The following TPO variants were observed in gnomAD, a reference collection of about 807,000 sequenced individuals.
TPO encodes the protein thyroid microsomal antigen.
In TPO, 78 loss-of-function variants were observed where a neutral mutation model predicts 96.9. The observed-to-expected ratio is 0.81, with a 90% CI of 0.67 to 0.97. TPO has a LOEUF of 0.97. TPO is among the 50% of genes least tolerant of loss of function. The pLI is 0.00. For synonymous variants in TPO, 547 were observed against 538.0 expected, an observed-to-expected ratio of 1.02 and a Z score of -0.23; for missense variants, 1,252 against 1,274.8, an observed-to-expected ratio of 0.98 and a Z score of 0.27.
At chr2:1,377,924 C>T (rs1379728319) in intron 1 of TPO, among the ~76,000 whole-genome samples, 1 of 152,168 alleles carries the variant, frequency 6.6e-6, no homozygotes, top group East Asian at 1.9e-4. Flanking sequence ...TTGTAGCTCC[C>T]ATAATTTCCA....
In TPO at chr2:1,496,021, A is replaced by G. The variant is rs769859014; in HGVS notation, c.2039A>G (p.Asp680Gly). Reference protein sequence around the residue: ...FWWENSHVFTDAQRRELEKHS... With the variant: ...FWWENSHVFTGAQRRELEKHS... The stretch of plus-strand genomic sequence containing the variant: ...TGGGAGAACAGCCACGTCTTCACGG[A>G]TGCACAGAGGCGTGAGCTGGAGAAG... The change falls in exon 12 of 17, where the codon GAT becomes GGT. Residue 680 changes from aspartate (D) to glycine (G), a missense_variant. Asp to Gly is a moderately conservative substitution (Grantham distance 94). Coordinates refer to ENST00000329066, the MANE Select transcript of TPO (RefSeq NM_001206744.2). The G allele has an allele frequency of 5.0e-6, 8 of 1,613,280 alleles. No homozygotes were observed. The African/African-American group carries it at 1.1e-4, about 22-fold the overall frequency.
intron 7 of TPO, among the ~76,000 whole-genome samples, chr2:1,472,768 C>A (rs755303039): frequency 6.9e-6 from 1 of 145,506 alleles, no homozygotes; most frequent in Admixed American, 7.1e-5. Flanking sequence ...TACTCACATT[C>A]GCCATCCACA....
chr2:1,481,733 GGCC>G (rs1670659554), intron 8 of TPO, among the ~76,000 whole-genome samples: 1 of 152,174 alleles, frequency 6.6e-6, no homozygotes, highest in African/African-American at 2.4e-5. Flanking sequence ...AAAGAGAAAG[GGCC>G]GTTCCTGCAG....
upstream of TPO, chr2:1,374,113 G>A (rs1232799502): frequency 6.6e-6 from 1 of 152,224 alleles, no homozygotes; most frequent in South Asian, 2.1e-4. Flanking sequence ...TCACCTCTGT[G>A]GCCACTTCCC....
chr2:1,479,929 G>A (rs548930613), intron 8 of TPO, among the ~76,000 whole-genome samples: 3 of 152,086 alleles, frequency 2.0e-5, no homozygotes, highest in South Asian at 2.1e-4. Context: ...CCACAGACAT[G>A]TGCCACCACT....
intron 3 of TPO, among the ~76,000 whole-genome samples, chr2:1,427,219 G>T (rs1436747529): frequency 6.6e-6 from 1 of 152,250 alleles, no homozygotes; most frequent in Non-Finnish European, 1.5e-5. Context: ...TGTGCCTGGG[G>T]ACCCAGATCT....
chr2:1,484,337 CTG>C (rs1405965041), intron 8 of TPO, among the ~76,000 whole-genome samples: 2 of 152,214 alleles, frequency 1.3e-5, no homozygotes, highest in African/African-American at 4.8e-5. Context: ...GACAGAGGTG[CTG>C]TCTCTTGCCA....
intron 16 of TPO, chr2:1,542,072 T>TCTGA (rs1396880148): frequency 2.7e-6 from 1 of 368,388 alleles, no homozygotes; most frequent in East Asian, 5.4e-5. Flanking sequence ...CCCTAATTAG[T>TCTGA]CTGACTGACA....
In TPO at chr2:1,414,633, GA is replaced by G. The variant is rs199828083; in HGVS notation, c.94+140del. 3,841 of 736,896 alleles carry G rather than the reference GA, an allele frequency of 5.2e-3. 42 individuals carry two copies. The highest frequency in any genetic ancestry group is 0.015 in the Middle Eastern group (53 of 3,544). The allele number at this position is 736,896 out of a possible 1,614,324, so 45.6% of individuals were successfully genotyped here. On this transcript the variant is annotated intron_variant, in intron 2 of 16. Coordinates refer to ENST00000329066, the MANE Select transcript of TPO (RefSeq NM_001206744.2). ...GTAGTGTATGCTTTGTTATGCTTAA[GA>G]AAAAAAAATTGTAATTCTTGATTTT...
intron 5 of TPO, 53 bp from the exon 6 acceptor site, chr2:1,453,641 C>A (rs1476510133): frequency 6.2e-7 from 1 of 1,613,300 alleles, no homozygotes; most frequent in African/African-American, 1.3e-5. Context: ...GAACTCACTG[C>A]TTCTGTGTTC....
At chr2:1,541,897 T>TCGGAGATAAGCAGAGCCCA (rs1680809182) in intron 16 of TPO, 1 of 158,472 alleles carries the variant, frequency 6.3e-6, no homozygotes, top group Non-Finnish European at 1.4e-5. Context: ...GATCCTGTCC[T>TCGGAGATAAGCAGAGCCCA]CGGAGATAAG....
chr2:1,440,518 G>C (rs1035790375), intron 5 of TPO, among the ~76,000 whole-genome samples: 1 of 152,222 alleles, frequency 6.6e-6, no homozygotes, highest in Admixed American at 6.5e-5. Flanking sequence ...AGTCGGTGCC[G>C]CAGGAGCTAC....
At chr2:1,532,590 TC>T (rs1163477548) in intron 15 of TPO, among the ~76,000 whole-genome samples, 12 of 56,458 alleles carry the variant, frequency 2.1e-4, no homozygotes, top group East Asian at 9.6e-4. Flanking sequence ...CCTCCCCAAA[TC>T]CCCCCCACAG....
intron 7 of TPO, among the ~76,000 whole-genome samples, chr2:1,475,690 T>G (rs1669853159): frequency 6.6e-6 from 1 of 152,098 alleles, no homozygotes; most frequent in South Asian, 2.1e-4. Flanking sequence ...CCCAAATTGC[T>G]GGGCGCCCAC....
intron 5 of TPO, among the ~76,000 whole-genome samples, chr2:1,453,319 T>A (rs923388379): frequency 6.6e-6 from 1 of 152,226 alleles, no homozygotes; most frequent in Non-Finnish European, 1.5e-5. Context: ...GGATTTCAAA[T>A]GATCTCTTTG....
At chr2:1,528,866 G>A (rs1401385090) in intron 15 of TPO, among the ~76,000 whole-genome samples, 11 of 132,666 alleles carry the variant, frequency 8.3e-5, no homozygotes, top group Non-Finnish European at 1.2e-4. Context: ...CCCCCACTGT[G>A]TGCAACCTCC....
At chr2:1,468,725 T>A (rs1573314497) in intron 7 of TPO, among the ~76,000 whole-genome samples, 1 of 152,372 alleles carries the variant, frequency 6.6e-6, no homozygotes, top group East Asian at 1.9e-4. Flanking sequence ...AGGTGTTCTT[T>A]GAGCCTCTTG....
intron 7 of TPO, among the ~76,000 whole-genome samples, chr2:1,460,720 G>A (rs1396103739): frequency 6.6e-6 from 1 of 152,228 alleles, no homozygotes; most frequent in African/African-American, 2.4e-5. Context: ...AGACCTCTGA[G>A]AGGGATGTGG....
At chr2:1,374,809 C>T (rs924358364) in intron 1 of TPO, among the ~76,000 whole-genome samples, 2 of 151,420 alleles carry the variant, frequency 1.3e-5, no homozygotes, top group African/African-American at 4.9e-5. Flanking sequence ...CCCACTGTAC[C>T]CTCCGCCTCC....
Sources: allele counts gnomAD v4.1 joint callset (sites outside exome capture counted in the v4.1 genomes callset), GRCh38; gene constraint gnomAD v4.1.1; transcripts MANE v1.5; gene names NCBI Gene and HGNC (gene_info 2026-07-23, HGNC 2026-07-21).